Variants in MAVS observed in about 807,000 individuals in gnomAD.
MAVS encodes the protein mitochondrial antiviral-signaling protein.
MAVS carries 20 observed loss-of-function variants against 30.2 expected under a neutral mutation model. The ratio of observed to expected loss-of-function variants is 0.66; its 90% CI spans 0.47 to 0.96. The LOEUF (loss-of-function observed/expected upper bound fraction) is 0.96, where lower values mean the gene tolerates loss of function less well. Among genes scored for constraint, MAVS ranks in the 40% least tolerant of loss-of-function variants. The pLI is 0.00. For missense variants in MAVS, 624 were observed against 701.1 expected (o/e 0.89, Z 1.24); for synonymous variants, 278 against 293.9 (o/e 0.95, Z 0.55).
Position 3,864,556 on chromosome 20 carries a change from C to T in MAVS, c.926C>T (p.Ala309Val), listed in dbSNP as rs375947622. ...ACCTTGATGCCTGTGAACACAGTGG[C>T]CCTGAAAGTGCCTGCCAACCCAGCA... Reference protein sequence around the residue: ...PTTLMPVNTVALKVPANPASV... With the variant: ...PTTLMPVNTVVLKVPANPASV... Residue 309 changes from alanine to valine, a missense_variant, in exon 6 of 7, where the codon GCC (alanine) becomes GTC (valine). By Grantham distance (64) the Ala-to-Val change is moderately conservative. Coordinates refer to ENST00000428216, the MANE Select transcript of MAVS (RefSeq NM_020746.5). 9.3e-6 allele frequency: 15 copies of T among 1,613,998 alleles called. No individual in the cohort carries two copies. The highest frequency in any genetic ancestry group is 8.9e-5 in the East Asian group (4 of 44,888).
At chr20:3,848,732 A>G (rs1325069290) in intron 1 of MAVS, among the ~76,000 whole-genome samples, 2 of 152,140 alleles carry the variant, frequency 1.3e-5, no homozygotes, top group Non-Finnish European at 2.9e-5. Context: ...ACCCACTTGG[A>G]ATCCAATAGC....
At chr20:3,859,343 C>G (rs964837207) in intron 3 of MAVS, among the ~76,000 whole-genome samples, 10 of 151,444 alleles carry the variant, frequency 6.6e-5, no homozygotes, top group Non-Finnish European at 1.5e-4. Context: ...CTGTCTGTAC[C>G]AAAAATACAA....
intron 1 of MAVS, among the ~76,000 whole-genome samples, chr20:3,852,119 C>G (rs1376260625): frequency 6.6e-6 from 1 of 151,306 alleles, no homozygotes; most frequent in East Asian, 2.0e-4. Flanking sequence ...CTCAGCCTCC[C>G]GAGTAGCTGG....
At chr20:3,853,303 C>A (rs202110935) in intron 1 of MAVS, among the ~76,000 whole-genome samples, 49 of 150,406 alleles carry the variant, frequency 3.3e-4, no homozygotes, top group Admixed American at 1.9e-3. Context: ...TGGCTAACCC[C>A]GTGAAACCCC....
chr20:3,850,061 G>A (rs1022474426), intron 1 of MAVS, among the ~76,000 whole-genome samples: 6 of 145,788 alleles, frequency 4.1e-5, no homozygotes, highest in East Asian at 2.1e-4. Flanking sequence ...GGCAGATCAC[G>A]AGGTCAGGAG....
rs1013579316 is a variant in MAVS, at chr20:3,865,058, G to A, written c.1158+270G>A. On this transcript the variant is annotated intron_variant, in intron 6 of 6. Coordinates refer to ENST00000428216, the MANE Select transcript of MAVS (RefSeq NM_020746.5). This position sits in a 1 kb window ranked among gnomAD's most constrained non-coding sequence, Gnocchi z 4.7. ...GGGCACCCACTGGTCAGGTGTATAAGTTCATTTAGGGCTCGTAGTTCCTAG... is the reference window on the plus strand; with the variant it reads ...GGGCACCCACTGGTCAGGTGTATAAATTCATTTAGGGCTCGTAGTTCCTAG... 2.0e-5 allele frequency among the ~76,000 whole-genome samples: 3 copies of A among 152,246 alleles called. No individual in the cohort carries two copies. Among genetic ancestry groups the A allele is most frequent in the African/African-American group, 7.2e-5 (3 of 41,470 alleles).
Position 3,874,996 on chromosome 20 carries a change from C to T in MAVS, c.*8849C>T, listed in dbSNP as rs1485999495. On this transcript the variant is annotated 3_prime_UTR_variant, in exon 7 of 7. Coordinates refer to ENST00000428216, the MANE Select transcript of MAVS (RefSeq NM_020746.5). The stretch of plus-strand genomic sequence containing the variant: ...GCTTACTACACCCACAAACATTCTT[C>T]GTTCTTTAAGGCCTAACTTAAAGCC... 6.6e-6 allele frequency: 1 copy of T among 152,334 alleles called. No homozygotes were observed. The highest frequency in any genetic ancestry group is 2.4e-5 in the African/African-American group (1 of 41,442). The allele number at this position is 152,334 out of a possible 1,614,324, so 9.4% of individuals were successfully genotyped here. A position where few individuals can be genotyped will look rare whatever the true frequency, so the allele number is the denominator to read the frequency against.
chr20:3,875,682 C>CTTTGAGG lies in MAVS; in HGVS notation c.*9535_*9536insTTTGAGG, dbSNP rs1568543153. 6.6e-6 allele frequency: 1 copy of CTTTGAGG among 152,352 alleles called. No homozygotes were observed. The highest frequency in any genetic ancestry group is 1.5e-5 in the Non-Finnish European group (1 of 68,064). 9.4% of individuals were successfully genotyped at this position (152,352 alleles called of 1,614,324 possible). ...CTCCCACTTTCCTCACCCTCCAGGA[C>CTTTGAGG]CTGTAAACTGTGAGGCTGGACCAGT... On this transcript the variant is annotated 3_prime_UTR_variant, in exon 7 of 7. Coordinates refer to ENST00000428216, the MANE Select transcript of MAVS (RefSeq NM_020746.5).
rs762396323 is a variant in MAVS at position 3,874,066 on chromosome 20, C to G, written c.*7919C>G. On this transcript the variant is annotated 3_prime_UTR_variant, in exon 7 of 7. Coordinates refer to ENST00000428216, the MANE Select transcript of MAVS (RefSeq NM_020746.5). ...TGAAGCTACAGTGAAGTCACAGGGT[C>G]GAATACTACTGCACAGCAACGAATA... 2.5e-6 allele frequency: 1 copy of G among 398,448 alleles called. No homozygotes were observed. Among genetic ancestry groups the G allele is most frequent in the Non-Finnish European group, 4.4e-6 (1 of 226,060 alleles). 24.7% of individuals were successfully genotyped at this position (398,448 alleles called of 1,614,324 possible). A position where few individuals can be genotyped will look rare whatever the true frequency, so the allele number is the denominator to read the frequency against.
intron 3 of MAVS, among the ~76,000 whole-genome samples, chr20:3,858,798 C>CT (rs1194555399): frequency 0.016 from 2,228 of 142,294 alleles, 67 homozygotes; most frequent in African/African-American, 0.052. Flanking sequence ...CTTTCTCTCT[C>CT]TTTTTTTTTT....
Position 3,871,656 on chromosome 20 carries a change from T to C in MAVS, c.*5509T>C, listed in dbSNP as rs903114771. 1 of 152,342 alleles carries C rather than the reference T, an allele frequency of 6.6e-6. No individual in the cohort carries two copies. The highest frequency in any genetic ancestry group is 1.5e-5 in the Non-Finnish European group (1 of 68,072). 9.4% of individuals were successfully genotyped at this position (152,342 alleles called of 1,614,324 possible). A position where few individuals can be genotyped will look rare whatever the true frequency, so the allele number is the denominator to read the frequency against. ...AGTCCTTCAGGCCTTGAGTCCCACA[T>C]TTTCCATGATGCTCCATTAAGCAGC... is the stretch of plus-strand genomic sequence containing the variant. On this transcript the variant is annotated 3_prime_UTR_variant, in exon 7 of 7. Transcript: ENST00000428216.
Position 3,871,114 on chromosome 20 carries a change from CAA to C in MAVS, c.*4968_*4969del, listed in dbSNP as rs2089952189. On this transcript the variant is annotated 3_prime_UTR_variant, in exon 7 of 7. Coordinates refer to ENST00000428216, the MANE Select transcript of MAVS (RefSeq NM_020746.5). ...CAGGCTGGTCTCGAACTCCTGACCT[CAA>C]GTGATCCGCCCGCCTTGGCCTCCCA... 6.5e-6 allele frequency: 1 copy of C among 153,870 alleles called. No individual in the cohort carries two copies. Among genetic ancestry groups the C allele is most frequent in the Admixed American group, 6.5e-5 (1 of 15,294 alleles). 9.5% of individuals were successfully genotyped at this position (153,870 alleles called of 1,614,324 possible).
chr20:3,859,520 A>ACC (rs1555780518), intron 3 of MAVS, among the ~76,000 whole-genome samples: 7 of 141,804 alleles, frequency 4.9e-5, no homozygotes, highest in East Asian at 2.1e-4. Context: ...AAAAAAAAAA[A>ACC]CCCAAAAATA....
intron 2 of MAVS, among the ~76,000 whole-genome samples, chr20:3,857,035 GAAAAAAA>G (rs753537485): frequency 7.1e-5 from 6 of 84,460 alleles, no homozygotes; most frequent in Non-Finnish European, 1.5e-4. Flanking sequence ...GACTCCGTCT[GAAAAAAA>G]AAAAAAAAAA....
At position 3,854,643 on chromosome 20, in the gene MAVS, A is replaced by G. The variant is rs774928934; in HGVS notation, c.19A>G (p.Lys7Glu). The change falls in exon 2 of 7, where the codon AAG (lysine) becomes GAG (glutamate). Residue 7 changes from lysine to glutamate, a missense_variant. Transcript: ENST00000428216. ...AGCAGCAATGCCGTTTGCTGAAGAC[A>G]AGACCTATAAGTATATCTGCCGCAA... is the stretch of plus-strand genomic sequence containing the variant. MPFAED[K>E]TYKYICRNFS... 9.9e-6 allele frequency: 16 copies of G among 1,613,706 alleles called. No individual in the cohort carries two copies. The highest frequency in any genetic ancestry group is 1.4e-5 in the Non-Finnish European group (16 of 1,179,776).
At position 3,865,131 on chromosome 20, in the gene MAVS, C is replaced by T. The variant is rs1245350876; in HGVS notation, c.1158+343C>T. On this transcript the variant is annotated intron_variant, in intron 6 of 6. Coordinates refer to ENST00000428216, the MANE Select transcript of MAVS (RefSeq NM_020746.5). The surrounding 1 kb of genome is among the most constrained non-coding windows in gnomAD (Gnocchi z 4.7). ...GCACATAAGGAAGCAGTGACGGGGA[C>T]AGCACAGTGGCCCATCTGCCTCTTG... Among the ~76,000 whole-genome samples, 3 of 152,178 alleles carry T rather than the reference C, an allele frequency of 2.0e-5. No individual in the cohort carries two copies. Among genetic ancestry groups the T allele is most frequent in the African/African-American group, 4.8e-5 (2 of 41,448 alleles).
intron 3 of MAVS, 156 bp downstream of exon 3, chr20:3,857,965 A>G (rs2089827698): frequency 1.3e-6 from 1 of 773,210 alleles, no homozygotes; most frequent in African/African-American, 2.3e-5. Context: ...AGGCTGAGCC[A>G]CTTACCAGCT....
rs1006665382 is a variant in MAVS at position 3,865,620 on chromosome 20, G to C, written c.1159-63G>C. ...CATGCCCTGGCCTGGGAATGGGACC[G>C]CCCTACCAGGTTCGTCTCCCTGCCA... is the stretch of plus-strand genomic sequence containing the variant. On this transcript the variant is annotated intron_variant, in intron 6 of 6. Coordinates refer to ENST00000428216, the MANE Select transcript of MAVS (RefSeq NM_020746.5). The surrounding 1 kb of genome is among the most constrained non-coding windows in gnomAD (Gnocchi z 4.7). 3 of 1,449,244 alleles carry C rather than the reference G, an allele frequency of 2.1e-6. No homozygotes were observed. The highest frequency in any genetic ancestry group is 2.7e-5 in the South Asian group (2 of 73,954). The allele number at this position is 1,449,244 out of a possible 1,614,324, so 89.8% of individuals were successfully genotyped here. A position where few individuals can be genotyped will look rare whatever the true frequency, so the allele number is the denominator to read the frequency against.
In MAVS at chr20:3,874,849, G is replaced by T. The variant is rs1489193029; in HGVS notation, c.*8702G>T. ...AGGAAGGGTATTGACTCTGAGAGGG[G>T]CCACCATCGCTGGAATGGGGGACAC... On this transcript the variant is annotated 3_prime_UTR_variant, in exon 7 of 7. Coordinates refer to ENST00000428216, the MANE Select transcript of MAVS (RefSeq NM_020746.5). 6.6e-6 allele frequency: 1 copy of T among 152,438 alleles called. No homozygotes were observed. Among genetic ancestry groups the T allele is most frequent in the Non-Finnish European group, 1.5e-5 (1 of 68,174 alleles). The allele number at this position is 152,438 out of a possible 1,614,324, so 9.4% of individuals were successfully genotyped here. A position where few individuals can be genotyped will look rare whatever the true frequency, so the allele number is the denominator to read the frequency against.
Sources: gnomAD v4.1 joint callset for allele counts (sites outside exome capture counted in the v4.1 genomes callset) on GRCh38, gnomAD v4.1.1 for gene constraint, Gnocchi (gnomAD v3.1) non-coding constraint, MANE v1.5 for transcripts, NCBI Gene and HGNC (gene_info 2026-07-23, HGNC 2026-07-21) for gene names.